Variants in MCPH1 observed in about 807,000 individuals in gnomAD.
MCPH1 encodes microcephalin.
A neutral mutation model predicts 84.5 loss-of-function variants in MCPH1; 104 were observed. The observed-to-expected ratio is 1.23, with a 90% CI of 1.05 to 1.45. The LOEUF (loss-of-function observed/expected upper bound fraction) is 1.45, where lower values mean the gene tolerates loss of function less well. Among genes scored for constraint, MCPH1 ranks in the 40% most tolerant of loss-of-function variants. The pLI, the probability that MCPH1 is intolerant of heterozygous loss-of-function variation, is 0.00. For synonymous variants in MCPH1, 514 were observed against 366.8 expected, an observed-to-expected ratio of 1.40 and a Z score of -4.58; for missense variants, 1,498 against 1,005.7, an observed-to-expected ratio of 1.49 and a Z score of -6.62.
At chr8:6,498,414 G>C (rs923504904) in intron 11 of MCPH1, among the ~76,000 whole-genome samples, 4 of 152,166 alleles carry the variant, frequency 2.6e-5, no homozygotes, top group African/African-American at 9.7e-5. Flanking sequence ...AACTGAATTA[G>C]TGTTTTCTCC....
At chr8:6,592,316 T>C (rs1828525363) in intron 12 of MCPH1, among the ~76,000 whole-genome samples, 1 of 151,222 alleles carries the variant, frequency 6.6e-6, no homozygotes. Flanking sequence ...CACACCCGGC[T>C]AATTATTTTT....
chr8:6,617,949 A>G (rs1471559103), intron 12 of MCPH1, among the ~76,000 whole-genome samples: 5 of 141,506 alleles, frequency 3.5e-5, no homozygotes, highest in South Asian at 2.3e-4. Context: ...CTATCTTTCT[A>G]TCTATCTAGA....
At chr8:6,619,657 T>C (rs1004023318) in intron 12 of MCPH1, among the ~76,000 whole-genome samples, 1 of 151,874 alleles carries the variant, frequency 6.6e-6, no homozygotes, top group African/African-American at 2.4e-5. Flanking sequence ...CAATCTCAGC[T>C]CACTGCAAGC....
At chr8:6,530,263 T>G (rs1407084169) in intron 12 of MCPH1, among the ~76,000 whole-genome samples, 2 of 151,934 alleles carry the variant, frequency 1.3e-5, no homozygotes, top group Non-Finnish European at 2.9e-5. Flanking sequence ...ATCCCAGCAG[T>G]TTGGGAGGCC....
intron 12 of MCPH1, among the ~76,000 whole-genome samples, chr8:6,552,118 TCTA>T: frequency 6.6e-6 from 1 of 152,338 alleles, no homozygotes; most frequent in African/African-American, 2.4e-5. Flanking sequence ...CTGAATCTTT[TCTA>T]CTAAGATATG....
chr8:6,621,840 G>A (rs1324341934), intron 13 of MCPH1, 149 bp downstream of exon 13: 23 of 1,048,082 alleles, frequency 2.2e-5, no homozygotes, highest in African/African-American at 3.1e-5. Flanking sequence ...TGGCAGCGTC[G>A]TGTGGTCACC....
intron 12 of MCPH1, among the ~76,000 whole-genome samples, chr8:6,565,186 A>T (rs1351228160): frequency 1.3e-5 from 2 of 152,140 alleles, no homozygotes; most frequent in African/African-American, 4.8e-5. Flanking sequence ...GATGGAGATC[A>T]TTTTTTCTCT....
intron 11 of MCPH1, among the ~76,000 whole-genome samples, chr8:6,489,627 A>T (rs1810339012): frequency 6.6e-6 from 1 of 152,222 alleles, no homozygotes; most frequent in African/African-American, 2.4e-5. Flanking sequence ...TTATTATCAG[A>T]CATATTGCTG....
At chr8:6,569,946 A>G (rs1826524208) in intron 12 of MCPH1, among the ~76,000 whole-genome samples, 1 of 152,210 alleles carries the variant, frequency 6.6e-6, no homozygotes. Flanking sequence ...CGGGCATCTG[A>G]GCCGGGACCA....
chr8:6,601,577 T>TCATA (rs10622505), intron 12 of MCPH1, among the ~76,000 whole-genome samples: 141,115 of 150,118 alleles, frequency 0.94, 66,876 homozygotes, highest in East Asian at 1. Context: ...CACATGCACA[T>TCATA]CATACATGCC....
At chr8:6,533,757 A>G (rs1819980996) in intron 12 of MCPH1, among the ~76,000 whole-genome samples, 1 of 152,070 alleles carries the variant, frequency 6.6e-6, no homozygotes, top group Admixed American at 6.5e-5. Flanking sequence ...GCCCTCCTTT[A>G]AAAACTTAGA....
chr8:6,486,339 C>T (rs1211743757), intron 11 of MCPH1, among the ~76,000 whole-genome samples: 1 of 152,024 alleles, frequency 6.6e-6, no homozygotes. Context: ...CCTTCTAACC[C>T]TGTCTCCAAT....
chr8:6,503,125 C>G (rs1460182436), intron 12 of MCPH1: 1 of 1,614,204 alleles, frequency 6.2e-7, no homozygotes, highest in South Asian at 1.1e-5. Context: ...GTCGGATCAT[C>G]ATGGTTGTGG....
chr8:6,502,168 T>C (rs1223557249), intron 12 of MCPH1: 2 of 152,168 alleles, frequency 1.3e-5, no homozygotes. Flanking sequence ...TTCTTTGTCA[T>C]AGAATGAAAT....
chr8:6,513,908 A>G (rs1815706249), intron 12 of MCPH1: 1 of 1,431,674 alleles, frequency 7.0e-7, no homozygotes, highest in South Asian at 1.4e-5. Context: ...TTTGAAGTGG[A>G]TAGTCCGTCA....
intron 12 of MCPH1, among the ~76,000 whole-genome samples, chr8:6,555,469 T>C (rs1207133235): frequency 6.6e-6 from 1 of 151,584 alleles, no homozygotes; most frequent in Admixed American, 6.6e-5. Context: ...TTTGCCCTTT[T>C]TTTTTTTTTG....
chr8:6,535,706 T>C (rs1820359322), intron 12 of MCPH1, among the ~76,000 whole-genome samples: 1 of 152,112 alleles, frequency 6.6e-6, no homozygotes. Context: ...GGGAGAAGAA[T>C]GGAACAGAAC....
Position 6,406,806 on chromosome 8 carries a change from C to G in MCPH1, c.22+117C>G, listed in dbSNP as rs1357122219. On this transcript the variant is annotated intron_variant, in intron 1 of 13. Transcript: ENST00000344683. ...GCCCCGCTCGCCCCTCCCTCGCTGC[C>G]TGTCTCCCCCAGACCCCCTGCCGCC... The G allele has an allele frequency of 1.0e-5, 12 of 1,170,922 alleles. No individual in the cohort carries two copies. The East Asian group carries it at 1.5e-4, about 14-fold the overall frequency. The allele number at this position is 1,170,922 out of a possible 1,614,324, so 72.5% of individuals were successfully genotyped here.
intron 12 of MCPH1, chr8:6,508,024 T>C (rs1428883883): frequency 6.6e-6 from 1 of 152,244 alleles, no homozygotes; most frequent in Non-Finnish European, 1.5e-5. Context: ...TATGGCAGTG[T>C]AATACCAAAC....
Sources: allele counts gnomAD v4.1 joint callset (sites outside exome capture counted in the v4.1 genomes callset), GRCh38; gene constraint gnomAD v4.1.1; transcripts MANE v1.5; gene names NCBI Gene and HGNC (gene_info 2026-07-23, HGNC 2026-07-21).